Variants in PCDHA5 observed in about 807,000 individuals in gnomAD.
The protein encoded by PCDHA5 is protocadherin alpha-5.
Under a neutral mutation model 61.6 loss-of-function variants are expected in PCDHA5, and 43 were observed. The observed-to-expected ratio is 0.70, with a 90% confidence interval of 0.55 to 0.90. The LOEUF (loss-of-function observed/expected upper bound fraction) is 0.90. Ranked by LOEUF, PCDHA5 falls within the 40% of genes least tolerant of loss-of-function variation. The pLI is 0.00. For synonymous variants in PCDHA5, 627 were observed against 543.9 expected (o/e 1.15, Z -2.13); for missense variants, 1,298 against 1,222.7 (o/e 1.06, Z -0.92).
chr5:140,850,440 G>A (rs2150484697), intron 1 of PCDHA5: 3 of 1,598,068 alleles, frequency 1.9e-6, no homozygotes, highest in South Asian at 1.1e-5. Flanking sequence ...GCGCCTACTG[G>A]TGCTGGTGAA....
In PCDHA5 at chr5:140,849,843, G is replaced by A. The variant is rs2150453087; in HGVS notation, c.2352+25716G>A. 8 of 1,598,500 alleles carry A rather than the reference G, an allele frequency of 5.0e-6. 1 individual carries two copies. The highest frequency in any genetic ancestry group is 3.3e-5 in the South Asian group (3 of 90,550). On this transcript the variant is annotated intron_variant, in intron 1 of 3. Transcript: ENST00000529859. Reference sequence around the variant, plus strand: ...GTCTGTGGAGGTGGCCGACGTGAACGACAACGCACCAGCGTTCGCGCAGTC... The same window carrying A: ...GTCTGTGGAGGTGGCCGACGTGAACAACAACGCACCAGCGTTCGCGCAGTC...
At chr5:140,875,202 C>A in intron 1 of PCDHA5, 1 of 611,450 alleles carries the variant, frequency 1.6e-6, no homozygotes, top group Non-Finnish European at 2.5e-6. Context: ...CAGGAAGTGG[C>A]TAAACCGAAA....
At chr5:140,877,346 G>GGCT (rs1217124440) in intron 1 of PCDHA5, 1 of 1,613,888 alleles carries the variant, frequency 6.2e-7, no homozygotes, top group Non-Finnish European at 8.5e-7. Flanking sequence ...TTCCACGTGG[G>GGCT]GCTGTACACT....
chr5:140,832,005 A>G (rs1440445717), intron 1 of PCDHA5, among the ~76,000 whole-genome samples: 2 of 152,164 alleles, frequency 1.3e-5, no homozygotes, highest in African/African-American at 4.8e-5. Context: ...TATTGTTTTC[A>G]TTTTACGTAA....
Position 140,843,852 on chromosome 5 carries a change from T to A in PCDHA5, c.2352+19725T>A, listed in dbSNP as rs1779120193. 7.3e-6 allele frequency: 7 copies of A among 964,906 alleles called. 1 individual carries two copies. The highest frequency in any genetic ancestry group is 1.1e-5 in the Non-Finnish European group (7 of 652,752). 59.8% of individuals were successfully genotyped at this position (964,906 alleles called of 1,614,324 possible). ...TTGTTTAGTTTTTAGAAACCTTTTA[T>A]AATTAATTGAATTTTCTCAGTGGCA... On this transcript the variant is annotated intron_variant, in intron 1 of 3. Transcript: ENST00000529859.
chr5:140,871,525 A>T, intron 1 of PCDHA5: 1 of 1,546,090 alleles, frequency 6.5e-7, no homozygotes, highest in Non-Finnish European at 8.7e-7. Flanking sequence ...ACCTATCAGG[A>T]AGTGTATGTG....
At position 140,885,285 on chromosome 5, in the gene PCDHA5, T is replaced by G. The variant is rs146462007; in HGVS notation, c.2352+61158T>G. On this transcript the variant is annotated intron_variant, in intron 1 of 3. Transcript: ENST00000529859. ...ACTCATACATATATATATACATATA[T>G]AGAGAGAGACCTGGTAGGCTTTTTG... 7.5e-4 allele frequency among the ~76,000 whole-genome samples: 114 copies of G among 152,298 alleles called. No individual in the cohort carries two copies. In the East Asian group the frequency reaches 9.8e-3, roughly 13 times the overall value.
chr5:140,887,242 G>A (rs1445154638), intron 1 of PCDHA5, among the ~76,000 whole-genome samples: 2 of 151,722 alleles, frequency 1.3e-5, no homozygotes, highest in African/African-American at 4.8e-5. Flanking sequence ...GACTACCGGC[G>A]CCCGCCACCA....
chr5:140,926,936 G>A, intron 1 of PCDHA5: 1 of 1,580,648 alleles, frequency 6.3e-7, no homozygotes, highest in Non-Finnish European at 8.6e-7. Context: ...TGGGTTTCCT[G>A]CGGCGCTGCA....
At chr5:140,873,076 AT>A (rs2054077114) in intron 1 of PCDHA5, among the ~76,000 whole-genome samples, 1 of 152,056 alleles carries the variant, frequency 6.6e-6, no homozygotes, top group South Asian at 2.1e-4. Flanking sequence ...ATATCTAGCT[AT>A]TTCCCCCCCG....
In PCDHA5 at chr5:140,871,159, G is replaced by T. The variant is rs781816033; in HGVS notation, c.2352+47032G>T. Reference sequence around the variant, plus strand: ...CTCTTCCCGGACTTTGGCGGGCGCCGCGAGCCCAGAGGCTGCGCTGGTGGA... The same window carrying T: ...CTCTTCCCGGACTTTGGCGGGCGCCTCGAGCCCAGAGGCTGCGCTGGTGGA... On this transcript the variant is annotated intron_variant, in intron 1 of 3. Coordinates refer to ENST00000529859, the MANE Select transcript of PCDHA5 (RefSeq NM_018908.3). The T allele has an allele frequency of 1.6e-5, 26 of 1,613,450 alleles. No individual in the cohort carries two copies. The South Asian group carries it at 2.9e-4, about 18-fold the overall frequency.
chr5:140,915,281 C>T (rs1554196839), intron 1 of PCDHA5, among the ~76,000 whole-genome samples: 2 of 152,090 alleles, frequency 1.3e-5, no homozygotes, highest in Non-Finnish European at 2.9e-5. Flanking sequence ...TCATCATTTA[C>T]TCTTTCTACT....
chr5:140,937,071 T>G (rs2091308048), intron 1 of PCDHA5, among the ~76,000 whole-genome samples: 1 of 147,932 alleles, frequency 6.8e-6, no homozygotes, highest in African/African-American at 2.5e-5. Context: ...GGAGTCTCGC[T>G]CTGTCGCCCA....
intron 1 of PCDHA5, among the ~76,000 whole-genome samples, chr5:140,975,268 G>C (rs1054634006): frequency 6.6e-6 from 1 of 152,102 alleles, no homozygotes; most frequent in African/African-American, 2.4e-5. Flanking sequence ...TCTGATTTCT[G>C]TCTCTGACCT....
intron 1 of PCDHA5, chr5:140,856,941 C>G: frequency 6.3e-7 from 1 of 1,592,588 alleles, no homozygotes; most frequent in Non-Finnish European, 8.6e-7. Context: ...AACGAAAGGA[C>G]GGGAGAAATA....
intron 1 of PCDHA5, among the ~76,000 whole-genome samples, chr5:140,923,795 A>C (rs1282849925): frequency 6.6e-6 from 1 of 152,360 alleles, no homozygotes; most frequent in African/African-American, 2.4e-5. Context: ...CATTCTTTTC[A>C]CAAATGAAAT....
chr5:140,824,765 A>G (rs1050013225), intron 1 of PCDHA5: 1 of 151,626 alleles, frequency 6.6e-6, no homozygotes, highest in Non-Finnish European at 1.5e-5. Flanking sequence ...TGGCCTATAA[A>G]AATGTTTTAA....
At chr5:140,899,884 T>C (rs1467670856) in intron 1 of PCDHA5, among the ~76,000 whole-genome samples, 17 of 152,152 alleles carry the variant, frequency 1.1e-4, no homozygotes, top group African/African-American at 3.9e-4. Flanking sequence ...CAGAACTCAG[T>C]GCAGCCTTGA....
intron 1 of PCDHA5, chr5:140,883,655 T>C (rs782178754): frequency 6.2e-7 from 1 of 1,613,114 alleles, no homozygotes; most frequent in Non-Finnish European, 8.5e-7. Context: ...GTACACGGTG[T>C]TCGTGAAGGA....
Sources: allele counts gnomAD v4.1 joint callset (sites outside exome capture counted in the v4.1 genomes callset), GRCh38; gene constraint gnomAD v4.1.1; transcripts MANE v1.5; gene names NCBI Gene and HGNC (gene_info 2026-07-23, HGNC 2026-07-21).